Variants in TNS1 observed in about 807,000 individuals in gnomAD.
TNS1 encodes the protein tensin 1.
TNS1 carries 62 observed loss-of-function variants against 168.6 expected under a neutral mutation model. The ratio of observed to expected loss-of-function variants is 0.37; its 90% CI spans 0.30 to 0.45. TNS1 has a LOEUF of 0.45. Ranked by LOEUF, TNS1 falls within the 20% of genes least tolerant of loss-of-function variation. The pLI is 1.00. For missense variants in TNS1, 2,240 were observed against 2,339.4 expected (o/e 0.96, Z 0.88); for synonymous variants, 934 against 933.2 (o/e 1.00, Z -0.02).
chr2:217,824,354 C>A (rs767430915), intron 22 of TNS1, among the ~76,000 whole-genome samples: 2 of 152,192 alleles, frequency 1.3e-5, no homozygotes, highest in Non-Finnish European at 2.9e-5. Context: ...CTAGACAGGG[C>A]CCATAGGCTC....
intron 3 of TNS1, among the ~76,000 whole-genome samples, chr2:217,936,034 G>A (rs529612899): frequency 3.3e-5 from 5 of 152,292 alleles, no homozygotes; most frequent in African/African-American, 9.6e-5. Context: ...CTGACCACCT[G>A]CGACATGCCA....
intron 19 of TNS1, among the ~76,000 whole-genome samples, chr2:217,847,006 A>G (rs192337411): frequency 3.3e-5 from 5 of 152,298 alleles, no homozygotes; most frequent in African/African-American, 1.2e-4. Flanking sequence ...TGAGTCTACA[A>G]AGGCCTCCCT....
At position 217,818,182 on chromosome 2, in the gene TNS1, G is replaced by C. The variant is rs369260171; in HGVS notation, c.4150C>G (p.Gln1384Glu). 4.0e-5 allele frequency: 65 copies of C among 1,613,536 alleles called. No homozygotes were observed. The highest frequency in any genetic ancestry group is 5.1e-5 in the Non-Finnish European group (60 of 1,179,872). Residue 1384 changes from glutamine to glutamate, a missense_variant, in exon 24 of 33, where the codon CAA becomes GAA. Gln to Glu is a conservative substitution (Grantham distance 29). Coordinates refer to ENST00000682258, the MANE Select transcript of TNS1 (RefSeq NM_001387777.1). ...TGAAGACCGGAGGCCAGGTTGCCTT[G>C]GTGAGCCCCAGGGTGCCGGCCCAGG... is the stretch of plus-strand genomic sequence containing the variant. ...PSLGRHPGAH[Q>E]GNLASGLHSN...
intron 3 of TNS1, among the ~76,000 whole-genome samples, chr2:217,963,402 T>C (rs1957547112): frequency 6.6e-6 from 1 of 152,172 alleles, no homozygotes. Context: ...CTGGCTATCA[T>C]GCACCGGGAG....
rs1211882865 is a variant in TNS1 at position 217,814,913 on chromosome 2, C to T, written c.4728G>A (p.Gln1576=). Residue 1576 remains glutamine (Q), a splice_region_variant and synonymous_variant, in exon 25 of 33, where the codon CAG becomes CAA. Transcript: ENST00000682258. ...YWYKPEISRE[Q]AIALLKDQEP... ...TGCACCACAGAGCCCAGCACTCACC[C>T]TGCTCCCTGGAGATCTCAGGCTTGT... 6.2e-7 allele frequency: 1 copy of T among 1,612,554 alleles called. No homozygotes were observed. The highest frequency in any genetic ancestry group is 1.3e-5 in the African/African-American group (1 of 74,912).
intron 21 of TNS1, among the ~76,000 whole-genome samples, chr2:217,833,831 A>G (rs1447520753): frequency 6.6e-6 from 1 of 152,244 alleles, no homozygotes; most frequent in African/African-American, 2.4e-5. Context: ...CATTGATTAT[A>G]CGTTGAAATG....
chr2:217,816,763 G>C (rs1277524039), intron 24 of TNS1, among the ~76,000 whole-genome samples: 1 of 152,112 alleles, frequency 6.6e-6, no homozygotes, highest in Non-Finnish European at 1.5e-5. Context: ...CCGGTGGGCG[G>C]CAGGAAACAG....
At chr2:217,923,504 A>G (rs1955844482) in intron 3 of TNS1, among the ~76,000 whole-genome samples, 1 of 152,176 alleles carries the variant, frequency 6.6e-6, no homozygotes, top group Admixed American at 6.5e-5. Flanking sequence ...TGAGGCACAT[A>G]GAGGCTAATG....
At chr2:217,809,520 GATAGGTGC>G (rs1478851739) in intron 30 of TNS1, among the ~76,000 whole-genome samples, 4,647 of 77,632 alleles carry the variant, frequency 0.06, 1,999 homozygotes, top group Non-Finnish European at 0.075. Context: ...TGGATGGATG[GATAGGTGC>G]ATGGATGGAT....
At chr2:217,910,955 C>T (rs1473242773) in intron 4 of TNS1, among the ~76,000 whole-genome samples, 1 of 152,152 alleles carries the variant, frequency 6.6e-6, no homozygotes, top group East Asian at 1.9e-4. Flanking sequence ...CCAGGCTCAT[C>T]TCACTGCCCT....
At position 217,826,005 on chromosome 2, in the gene TNS1, G is replaced by A. The variant is rs1400485674; in HGVS notation, c.3374-4067C>T. Among the ~76,000 whole-genome samples, 3 of 152,114 alleles carry A rather than the reference G, an allele frequency of 2.0e-5. 1 individual carries two copies. Among genetic ancestry groups the A allele is most frequent in the African/African-American group, 7.2e-5 (3 of 41,404 alleles). Reference sequence around the variant, plus strand: ...TGGAAACAGCCCTTGTGCATTGGGTGGCCAACCTAGCCAAGGCCACTCAGA... The same window carrying A: ...TGGAAACAGCCCTTGTGCATTGGGTAGCCAACCTAGCCAAGGCCACTCAGA... On this transcript the variant is annotated intron_variant, in intron 22 of 32. Transcript: ENST00000682258.
Position 217,886,541 on chromosome 2 carries a change from A to G in TNS1, c.972T>C (p.Ser324=), listed in dbSNP as rs1370875195. The change falls in exon 13 of 33, where the codon TCT becomes TCC. Residue 324 remains serine (S), a synonymous_variant. Transcript: ENST00000682258. ...AGGGCTCAAGGCAGGTACCTCCTTT[A>G]GACTCAAAGTTGGGGATGCCGTGCA... ...VIMHGIPNFE[S]KGGCRPFLRI... 2 of 1,596,948 alleles carry G rather than the reference A, an allele frequency of 1.3e-6. No homozygotes were observed. Among genetic ancestry groups the G allele is most frequent in the South Asian group, 2.3e-5 (2 of 87,384 alleles).
At position 217,836,038 on chromosome 2, in the gene TNS1, T is replaced by G. The variant is rs988615245; in HGVS notation, c.3181A>C (p.Asn1061His). The G allele has an allele frequency of 3.7e-6, 6 of 1,613,864 alleles. No individual in the cohort carries two copies. The highest frequency in any genetic ancestry group is 3.3e-5 in the Admixed American group (2 of 60,018). ...SPELALTIAL[N>H]PGGRPKEPHL... Reference sequence around the variant, plus strand: ...ACCTCTTTGGGCCGCCCTCCAGGATTGAGAGCGATGGTAAGAGCCAGCTCC... The same window carrying G: ...ACCTCTTTGGGCCGCCCTCCAGGATGGAGAGCGATGGTAAGAGCCAGCTCC... Residue 1061 changes from asparagine (N) to histidine (H), a missense_variant, in exon 20 of 33, where the codon AAT becomes CAT. Physicochemically the swap from Asn to His is moderately conservative, Grantham distance 68 (BLOSUM62 1). Around this residue, in one of 2 missense-constraint regions of TNS1, gnomAD observed 2,131 missense variants for 2,171.2 expected, o/e 0.98. Coordinates refer to ENST00000682258, the MANE Select transcript of TNS1 (RefSeq NM_001387777.1).
chr2:217,865,694 G>T (rs868777337), intron 18 of TNS1, among the ~76,000 whole-genome samples: 1 of 152,182 alleles, frequency 6.6e-6, no homozygotes, highest in Non-Finnish European at 1.5e-5. Context: ...GCTTCCCAGG[G>T]CACAGGGAGA....
intron 9 of TNS1, 90 bp downstream of exon 9, chr2:217,894,916 T>C: frequency 2.3e-6 from 3 of 1,295,840 alleles, no homozygotes; most frequent in South Asian, 2.5e-5. Context: ...TGTCACAGCA[T>C]TTTCCCCAAG....
intron 12 of TNS1, among the ~76,000 whole-genome samples, chr2:217,888,072 C>A (rs967006461): frequency 3.9e-5 from 6 of 152,178 alleles, no homozygotes; most frequent in Non-Finnish European, 7.4e-5. Context: ...TTGGGTGGGG[C>A]CTCCTCGGAC....
intron 18 of TNS1, among the ~76,000 whole-genome samples, chr2:217,866,972 A>G (rs1027279855): frequency 3.9e-5 from 6 of 152,230 alleles, no homozygotes; most frequent in Admixed American, 2.6e-4. Flanking sequence ...ATGGTGAGAA[A>G]TGTTATGCTG....
At chr2:217,985,781 T>C (rs1958180149) in intron 2 of TNS1, among the ~76,000 whole-genome samples, 1 of 152,088 alleles carries the variant, frequency 6.6e-6, no homozygotes, top group Non-Finnish European at 1.5e-5. Context: ...TCAGCCCAAG[T>C]TCTTACTAGT....
At chr2:218,018,890 C>A (rs894300197) in intron 1 of TNS1, among the ~76,000 whole-genome samples, 1 of 152,030 alleles carries the variant, frequency 6.6e-6, no homozygotes, top group Non-Finnish European at 1.5e-5. Context: ...CAGCCTTGCC[C>A]GCATGGTGAA....
Sources: allele counts gnomAD v4.1 joint callset (sites outside exome capture counted in the v4.1 genomes callset), GRCh38; gene constraint gnomAD v4.1.1; regional missense constraint gnomAD v4.1.1; transcripts MANE v1.5; gene names NCBI Gene and HGNC (gene_info 2026-07-23, HGNC 2026-07-21).